LRP1B: variants seen among roughly 807,000 people sequenced by gnomAD.
LRP1B encodes the protein low-density lipoprotein receptor-related protein 1B.
Under a neutral mutation model 556.6 loss-of-function variants are expected in LRP1B, and 217 were observed. The ratio of observed to expected loss-of-function variants is 0.39; its 90% CI spans 0.35 to 0.44. The LOEUF (loss-of-function observed/expected upper bound fraction) is 0.44. Among genes scored for constraint, LRP1B ranks in the 20% least tolerant of loss-of-function variants. The pLI is 1.00. For missense variants in LRP1B, 5,053 were observed against 5,620.8 expected, an observed-to-expected ratio of 0.90 and a Z score of 3.23; for synonymous variants, 2,047 against 1,865.8, an observed-to-expected ratio of 1.10 and a Z score of -2.50.
intron 68 of LRP1B, among the ~76,000 whole-genome samples, chr2:140,377,388 C>A (rs1683283125): frequency 6.6e-6 from 1 of 152,006 alleles, no homozygotes; most frequent in Non-Finnish European, 1.5e-5. Context: ...GCTCTTTTTT[C>A]CTTCACTTCT....
chr2:141,084,689 C>G (rs1045136640), intron 7 of LRP1B, among the ~76,000 whole-genome samples: 24 of 150,988 alleles, frequency 1.6e-4, no homozygotes, highest in African/African-American at 5.1e-4. Context: ...TCGCTCTGTC[C>G]CCCAGACTGG....
chr2:141,585,414 G>A (rs1312277551), intron 2 of LRP1B, among the ~76,000 whole-genome samples: 1 of 143,974 alleles, frequency 6.9e-6, no homozygotes, highest in African/African-American at 2.6e-5. Context: ...TGAGTGTCCT[G>A]AAATAATCGT....
Position 140,825,850 on chromosome 2 carries a change from G to A in LRP1B, c.5210-12044C>T, listed in dbSNP as rs191707687. ...ACAGAAAGGTTTGTGTTCAAAACAT[G>A]TAATGCTTACTTTCATGTGTCAACA... On this transcript the variant is annotated intron_variant, in intron 31 of 90. Transcript: ENST00000389484. 1.2e-3 allele frequency among the ~76,000 whole-genome samples: 189 copies of A among 152,290 alleles called. 1 individual carries two copies. The highest frequency in any genetic ancestry group is 2.4e-3 in the Non-Finnish European group (165 of 68,030).
intron 3 of LRP1B, among the ~76,000 whole-genome samples, chr2:141,331,506 C>G (rs1226372839): frequency 1.8e-5 from 1 of 55,836 alleles, no homozygotes; most frequent in Admixed American, 1.4e-4. Flanking sequence ...TTCTTTCCTT[C>G]TTTCTTTCTT....
intron 55 of LRP1B, among the ~76,000 whole-genome samples, chr2:140,499,314 T>C (rs987596181): frequency 1.3e-5 from 2 of 151,950 alleles, no homozygotes; most frequent in African/African-American, 2.4e-5. Context: ...AAGTATATAA[T>C]TGATATTCTA....
chr2:141,089,999 T>C lies in LRP1B; in HGVS notation c.1014-27726A>G, dbSNP rs77720295. Among the ~76,000 whole-genome samples, 1,141 of 152,266 alleles carry C rather than the reference T, an allele frequency of 7.5e-3. 13 individuals carry two copies. The highest frequency in any genetic ancestry group is 0.026 in the African/African-American group (1,083 of 41,550). ...CCTAAGGAAGAATTCAGAATAGGGA[T>C]ACAAATTAGGTGCCCAAGTGTAATC... On this transcript the variant is annotated intron_variant, in intron 7 of 90. Transcript: ENST00000389484.
chr2:141,391,668 T>C (rs189785675), intron 3 of LRP1B, among the ~76,000 whole-genome samples: 18 of 152,086 alleles, frequency 1.2e-4, no homozygotes, highest in African/African-American at 3.6e-4. Context: ...GTCTACAGCA[T>C]CAAAAATCAG....
At position 140,867,854 on chromosome 2, in the gene LRP1B, T is replaced by A. The variant is rs764315097; in HGVS notation, c.4335-20A>T. ...TCTGACCTACAGAAAGATAAATACA[T>A]GAGTAGTTTGTCAAAACTCATTCAA... On this transcript the variant is annotated intron_variant, in intron 26 of 90. Coordinates refer to ENST00000389484, the MANE Select transcript of LRP1B (RefSeq NM_018557.3). The A allele has an allele frequency of 6.7e-7, 1 of 1,501,150 alleles. No individual in the cohort carries two copies. The highest frequency in any genetic ancestry group is 2.3e-5 in the Admixed American group (1 of 43,494). 93.0% of individuals were successfully genotyped at this position (1,501,150 alleles called of 1,614,324 possible). A position where few individuals can be genotyped will look rare whatever the true frequency, so the allele number is the denominator to read the frequency against.
intron 3 of LRP1B, among the ~76,000 whole-genome samples, chr2:141,266,678 T>A (rs1157323888): frequency 1.3e-5 from 2 of 152,190 alleles, no homozygotes; most frequent in Non-Finnish European, 2.9e-5. Flanking sequence ...TTATTTTGAA[T>A]CTCCATATAT....
At chr2:141,338,861 C>T (rs1480555991) in intron 3 of LRP1B, among the ~76,000 whole-genome samples, 2 of 152,128 alleles carry the variant, frequency 1.3e-5, no homozygotes, top group African/African-American at 4.8e-5. Flanking sequence ...AACATTAAAG[C>T]TTATTTTCAT....
At chr2:141,683,295 T>A (rs1691171037) in intron 2 of LRP1B, among the ~76,000 whole-genome samples, 1 of 152,146 alleles carries the variant, frequency 6.6e-6, no homozygotes, top group Non-Finnish European at 1.5e-5. Flanking sequence ...GAAATCTGAA[T>A]GTTAAAGGCA....
intron 3 of LRP1B, among the ~76,000 whole-genome samples, chr2:141,296,017 T>C (rs1686172678): frequency 6.6e-6 from 1 of 152,136 alleles, no homozygotes; most frequent in South Asian, 2.1e-4. Context: ...TAACTTTCAG[T>C]TTTCAATCAA....
At chr2:141,866,002 G>T (rs544400804) in intron 1 of LRP1B, among the ~76,000 whole-genome samples, 1 of 152,214 alleles carries the variant, frequency 6.6e-6, no homozygotes, top group Non-Finnish European at 1.5e-5. Context: ...CATTGCTGTG[G>T]ACAAAGTATG....
intron 84 of LRP1B, among the ~76,000 whole-genome samples, chr2:140,278,990 G>A (rs1350298502): frequency 1.3e-5 from 2 of 151,924 alleles, no homozygotes; most frequent in African/African-American, 4.8e-5. Flanking sequence ...TTAGATGTTT[G>A]ACTGGACTGT....
At chr2:141,223,212 C>G (rs571208283) in intron 6 of LRP1B, among the ~76,000 whole-genome samples, 19 of 152,142 alleles carry the variant, frequency 1.2e-4, no homozygotes, top group African/African-American at 4.6e-4. Flanking sequence ...AATCCATGTG[C>G]AAAAATCGCT....
intron 11 of LRP1B, among the ~76,000 whole-genome samples, chr2:141,034,664 C>T (rs1292735145): frequency 6.6e-6 from 1 of 151,028 alleles, no homozygotes; most frequent in Non-Finnish European, 1.5e-5. Context: ...GAGATACCAT[C>T]TCACACCAGT....
intron 11 of LRP1B, among the ~76,000 whole-genome samples, chr2:141,026,296 T>C (rs1698216181): frequency 6.6e-6 from 1 of 152,120 alleles, no homozygotes. Flanking sequence ...GTTGACTTTT[T>C]ATTAGCTATA....
chr2:140,792,413 T>C (rs2104989202), intron 32 of LRP1B, among the ~76,000 whole-genome samples: 1 of 152,294 alleles, frequency 6.6e-6, no homozygotes, highest in South Asian at 2.1e-4. Flanking sequence ...CTTCGGGTCA[T>C]ATGTATTTTT....
chr2:141,884,169 G>A (rs1037886638), intron 1 of LRP1B, among the ~76,000 whole-genome samples: 1 of 152,038 alleles, frequency 6.6e-6, no homozygotes, highest in African/African-American at 2.4e-5. Context: ...GAGGCCAGGG[G>A]TTTGAGACCA....
Sources: gnomAD v4.1 joint callset for allele counts (sites outside exome capture counted in the v4.1 genomes callset) on GRCh38, gnomAD v4.1.1 for gene constraint, MANE v1.5 for transcripts, NCBI Gene and HGNC (gene_info 2026-07-23, HGNC 2026-07-21) for gene names.